DOCK1: variants seen among roughly 807,000 people sequenced by gnomAD.
The protein encoded by DOCK1 is dedicator of cytokinesis protein 1.
A neutral mutation model predicts 262.7 loss-of-function variants in DOCK1; 138 were observed. That is an observed-to-expected ratio of 0.53 (90% CI 0.46 to 0.61). DOCK1 has a LOEUF of 0.61. DOCK1 is among the 20% of genes least tolerant of loss of function. The pLI is 0.00. For synonymous variants in DOCK1, 866 were observed against 867.4 expected, an observed-to-expected ratio of 1.00 and a Z score of 0.03; for missense variants, 1,908 against 2,370.7, an observed-to-expected ratio of 0.80 and a Z score of 4.05.
intron 42 of DOCK1, among the ~76,000 whole-genome samples, chr10:127,409,907 C>T (rs2067744300): frequency 6.6e-6 from 1 of 152,200 alleles, no homozygotes; most frequent in Admixed American, 6.5e-5. Context: ...GGCTTTTAAA[C>T]CTCCTGAGTC....
At chr10:127,378,800 G>C (rs939476285) in intron 35 of DOCK1, among the ~76,000 whole-genome samples, 1 of 152,190 alleles carries the variant, frequency 6.6e-6, no homozygotes, top group Non-Finnish European at 1.5e-5. Context: ...TCTTTGTTGC[G>C]ACAGTGAGTT....
intron 27 of DOCK1, among the ~76,000 whole-genome samples, chr10:127,228,908 T>C (rs1020053912): frequency 1.3e-5 from 2 of 152,218 alleles, no homozygotes; most frequent in African/African-American, 4.8e-5. Context: ...CTCACATACT[T>C]ATTTTTCACG....
At chr10:127,301,852 AG>A (rs1282566987) in intron 29 of DOCK1, among the ~76,000 whole-genome samples, 1 of 151,750 alleles carries the variant, frequency 6.6e-6, no homozygotes, top group Non-Finnish European at 1.5e-5. Flanking sequence ...AGGCTGAGGC[AG>A]GAGAATCACT....
chr10:127,184,228 G>T (rs981234974), intron 27 of DOCK1, among the ~76,000 whole-genome samples: 6 of 152,108 alleles, frequency 3.9e-5, no homozygotes, highest in African/African-American at 1.4e-4. Flanking sequence ...GGGGTCACGA[G>T]ACCCATCTCC....
At chr10:127,154,487 A>G (rs2052839381) in intron 27 of DOCK1, among the ~76,000 whole-genome samples, 1 of 152,266 alleles carries the variant, frequency 6.6e-6, no homozygotes, top group Non-Finnish European at 1.5e-5. Context: ...GTCCATGAAT[A>G]AAGTTTTTAC....
chr10:127,308,406 T>C (rs1462011932), intron 29 of DOCK1, among the ~76,000 whole-genome samples: 1 of 152,194 alleles, frequency 6.6e-6, no homozygotes, highest in Admixed American at 6.5e-5. Context: ...GCTTCTTTAT[T>C]CCTCTGATCT....
At chr10:126,917,323 T>C (rs1409680325) in intron 1 of DOCK1, among the ~76,000 whole-genome samples, 1 of 152,236 alleles carries the variant, frequency 6.6e-6, no homozygotes, top group East Asian at 1.9e-4. Flanking sequence ...TTGTGGGTAA[T>C]GAACTGTCGA....
chr10:126,997,782 C>T, intron 7 of DOCK1: 1 of 305,988 alleles, frequency 3.3e-6, no homozygotes, highest in Non-Finnish European at 6.3e-6. Context: ...AGGGTTTAGT[C>T]TAATGAGGGA....
In DOCK1 at chr10:127,176,135, G is replaced by A; in HGVS notation, c.2847+48371G>A. 6.2e-7 allele frequency: 1 copy of A among 1,614,146 alleles called. No homozygotes were observed. The highest frequency in any genetic ancestry group is 8.5e-7 in the Non-Finnish European group (1 of 1,180,036). ...TGGACCTGCGTGCGGGCACTGTCAT[G>A]TATTTGCGGTAGGCTGCTCTGCAGG... On this transcript the variant is annotated intron_variant, in intron 27 of 51. Transcript: ENST00000623213. The surrounding 1 kb of genome is among the most constrained non-coding windows in gnomAD (Gnocchi z 4.4).
At chr10:127,411,838 C>CA (rs1411358662) in intron 43 of DOCK1, among the ~76,000 whole-genome samples, 3 of 152,052 alleles carry the variant, frequency 2.0e-5, no homozygotes, top group East Asian at 3.9e-4. Context: ...GAAACTCCAT[C>CA]AAAAAAATAA....
intron 19 of DOCK1, among the ~76,000 whole-genome samples, chr10:127,041,299 T>C (rs1474300521): frequency 6.6e-6 from 1 of 152,168 alleles, no homozygotes; most frequent in Non-Finnish European, 1.5e-5. Flanking sequence ...GGTTTCTCCA[T>C]GTTGGTCAGG....
Position 127,399,827 on chromosome 10 carries a change from T to C in DOCK1, c.3928-3228T>C, listed in dbSNP as rs138190466. Among the ~76,000 whole-genome samples the C allele has an allele frequency of 7.2e-5, 11 of 152,174 alleles. No individual in the cohort carries two copies. In the East Asian group the frequency reaches 2.1e-3, roughly 29 times the overall value. ...AATGGAAATCTGCTCAGAGAGGAAGTGGTCACTGGAGCTTTAAAAAAACGT... is the reference window on the plus strand; with the variant it reads ...AATGGAAATCTGCTCAGAGAGGAAGCGGTCACTGGAGCTTTAAAAAAACGT... On this transcript the variant is annotated intron_variant, in intron 38 of 51. Transcript: ENST00000623213.
intron 33 of DOCK1, among the ~76,000 whole-genome samples, chr10:127,371,935 AT>A (rs2065230806): frequency 6.6e-6 from 1 of 152,180 alleles, no homozygotes; most frequent in Non-Finnish European, 1.5e-5. Flanking sequence ...TTAATGTGAG[AT>A]TTCAGGAGAA....
At chr10:127,260,329 G>A (rs2059978449) in intron 29 of DOCK1, among the ~76,000 whole-genome samples, 1 of 152,198 alleles carries the variant, frequency 6.6e-6, no homozygotes, top group African/African-American at 2.4e-5. Context: ...AGACTTCTGA[G>A]GATAAAGTCT....
At chr10:127,079,072 A>G (rs1203354899) in intron 23 of DOCK1, among the ~76,000 whole-genome samples, 1 of 152,222 alleles carries the variant, frequency 6.6e-6, no homozygotes, top group Non-Finnish European at 1.5e-5. Context: ...GAAAGGCACA[A>G]ATCTGAAGTA....
intron 1 of DOCK1, among the ~76,000 whole-genome samples, chr10:126,917,535 G>A (rs192619965): frequency 2.1e-4 from 32 of 152,244 alleles, no homozygotes; most frequent in Admixed American, 1.1e-3. Context: ...GCTGGTCCCC[G>A]GTCACAGTCT....
Position 127,286,700 on chromosome 10 carries a change from A to G in DOCK1, c.3044+29271A>G, listed in dbSNP as rs1407357037. Among the ~76,000 whole-genome samples the G allele has an allele frequency of 5.3e-5, 8 of 152,288 alleles. No homozygotes were observed. In the East Asian group the frequency reaches 1.2e-3, roughly 22 times the overall value. On this transcript the variant is annotated intron_variant, in intron 29 of 51. Coordinates refer to ENST00000623213, the MANE Select transcript of DOCK1 (RefSeq NM_001290223.2). The stretch of plus-strand genomic sequence containing the variant: ...CATTCAAAAATATCTCTTAAAAATA[A>G]GAATTTTTTAACACCTCTATATTAT...
At chr10:127,262,020 A>T (rs111068432) in intron 29 of DOCK1, among the ~76,000 whole-genome samples, 2,456 of 66,390 alleles carry the variant, frequency 0.037, 92 homozygotes, top group African/African-American at 0.14. Flanking sequence ...GTGTACCTGC[A>T]TGTGTGTGCA....
intron 23 of DOCK1, among the ~76,000 whole-genome samples, chr10:127,083,808 T>G (rs556578179): frequency 6.6e-6 from 1 of 152,312 alleles, no homozygotes; most frequent in East Asian, 1.9e-4. Context: ...TTCTGCCCCC[T>G]TAGTATATTA....
Sources: allele counts gnomAD v4.1 joint callset (sites outside exome capture counted in the v4.1 genomes callset), GRCh38; gene constraint gnomAD v4.1.1; non-coding constraint Gnocchi (gnomAD v3.1); transcripts MANE v1.5; gene names NCBI Gene and HGNC (gene_info 2026-07-23, HGNC 2026-07-21).